RBPJ: variants seen among roughly 807,000 people sequenced by gnomAD.
RBPJ encodes the protein recombination signal binding protein for immunoglobulin kappa J region, also known as recombining binding protein suppressor of hairless.
RBPJ carries 9 observed loss-of-function variants against 67.8 expected under a neutral mutation model. The ratio of observed to expected loss-of-function variants is 0.13; its 90% CI spans 0.08 to 0.23. The LOEUF (loss-of-function observed/expected upper bound fraction) is 0.23, where lower values mean the gene tolerates loss of function less well. RBPJ is among the 10% of genes least tolerant of loss of function. RBPJ has a pLI of 1.00. For synonymous variants in RBPJ, 198 were observed against 203.3 expected, an observed-to-expected ratio of 0.97 and a Z score of 0.22; for missense variants, 305 against 595.6, an observed-to-expected ratio of 0.51 and a Z score of 5.08.
chr4:26,125,269 G>T, the RBPJ span, among the ~76,000 whole-genome samples: 3 of 152,186 alleles, frequency 2.0e-5, no homozygotes, highest in Non-Finnish European at 4.4e-5. Flanking sequence ...CCCTCATGGG[G>T]CACCCTGTGA....
intron 1 of RBPJ, among the ~76,000 whole-genome samples, chr4:26,195,019 C>T (rs964860712): frequency 2.0e-5 from 3 of 152,180 alleles, no homozygotes; most frequent in African/African-American, 7.2e-5. Context: ...CACCTCAAAT[C>T]TCTTGGGAAA....
At chr4:26,197,040 ACTCT>A (rs780693751) in intron 1 of RBPJ, among the ~76,000 whole-genome samples, 3 of 151,798 alleles carry the variant, frequency 2.0e-5, no homozygotes, top group Admixed American at 6.6e-5. Context: ...TCTCTCGCTC[ACTCT>A]CTCTCTTTTA....
chr4:26,324,339 C>T (rs1723395251), intron 1 of RBPJ, among the ~76,000 whole-genome samples: 1 of 151,986 alleles, frequency 6.6e-6, no homozygotes, highest in African/African-American at 2.4e-5. Context: ...TATTCCTGCC[C>T]CCCATAAACT....
chr4:26,328,953 T>C (rs939761364), intron 1 of RBPJ, among the ~76,000 whole-genome samples: 3 of 152,206 alleles, frequency 2.0e-5, no homozygotes, highest in African/African-American at 7.2e-5. Flanking sequence ...TATTTGAATA[T>C]TAATCAGGGA....
chr4:26,352,693 ACT>A (rs1426856377), intron 1 of RBPJ, among the ~76,000 whole-genome samples: 6 of 152,192 alleles, frequency 3.9e-5, no homozygotes, highest in African/African-American at 1.4e-4. Flanking sequence ...ACAGAGTGAA[ACT>A]CTGTCTCAAA....
intron 4 of RBPJ, 78 bp from the exon 5 acceptor site, chr4:26,420,473 C>A: frequency 1.1e-6 from 1 of 937,924 alleles, no homozygotes; most frequent in Non-Finnish European, 1.5e-6. Context: ...TTACTTAAAC[C>A]ATGGCCATTC....
chr4:26,319,139 G>A, upstream of RBPJ, among the ~76,000 whole-genome samples: 1 of 151,986 alleles, frequency 6.6e-6, no homozygotes, highest in Non-Finnish European at 1.5e-5. Flanking sequence ...GAGGCTGTCT[G>A]TCAGCTCCCG....
At chr4:26,195,259 A>G (rs1717712704) in intron 1 of RBPJ, among the ~76,000 whole-genome samples, 1 of 152,146 alleles carries the variant, frequency 6.6e-6, no homozygotes, top group African/African-American at 2.4e-5. Flanking sequence ...AGTCCTACCT[A>G]CTTGGGAGGC....
chr4:26,370,547 T>C (rs1729052196), intron 1 of RBPJ, among the ~76,000 whole-genome samples: 1 of 152,200 alleles, frequency 6.6e-6, no homozygotes, highest in Non-Finnish European at 1.5e-5. Context: ...GTAAGGTGTA[T>C]TGAGAGACTC....
chr4:26,333,059 G>C (rs1023349895), intron 1 of RBPJ, among the ~76,000 whole-genome samples: 23 of 152,298 alleles, frequency 1.5e-4, no homozygotes, highest in African/African-American at 5.3e-4. Flanking sequence ...ACACAGATTT[G>C]AACTGAGTGG....
chr4:26,358,639 TG>T (rs1271551070), intron 1 of RBPJ, among the ~76,000 whole-genome samples: 4 of 136,244 alleles, frequency 2.9e-5, no homozygotes, highest in Non-Finnish European at 6.3e-5. Flanking sequence ...AAAAAGTTAG[TG>T]GGGTACGTGG....
At chr4:26,418,753 C>G (rs955248232) in intron 4 of RBPJ, among the ~76,000 whole-genome samples, 1 of 152,122 alleles carries the variant, frequency 6.6e-6, no homozygotes, top group Non-Finnish European at 1.5e-5. Context: ...TTTTGCTTCC[C>G]ATGACTGTCT....
At chr4:26,265,910 G>T (rs1018327041) in intron 1 of RBPJ, among the ~76,000 whole-genome samples, 13 of 151,682 alleles carry the variant, frequency 8.6e-5, no homozygotes, top group Non-Finnish European at 1.6e-4. Context: ...GGTGGCACAT[G>T]CCTGTAGTCC....
intron 1 of RBPJ, among the ~76,000 whole-genome samples, chr4:26,311,079 A>G (rs1054161104): frequency 3.3e-5 from 5 of 152,210 alleles, no homozygotes; most frequent in African/African-American, 1.2e-4. Flanking sequence ...TATTACTATA[A>G]CAATTGTGTT....
At chr4:26,350,395 T>G (rs907049338) in intron 1 of RBPJ, among the ~76,000 whole-genome samples, 1 of 151,048 alleles carries the variant, frequency 6.6e-6, no homozygotes, top group Non-Finnish European at 1.5e-5. Flanking sequence ...CAAGTCATAT[T>G]TCAGTCTTTC....
intron 1 of RBPJ, among the ~76,000 whole-genome samples, chr4:26,350,328 T>C (rs1726667043): frequency 6.6e-6 from 1 of 152,182 alleles, no homozygotes; most frequent in Admixed American, 6.5e-5. Flanking sequence ...GTGTGCTTAT[T>C]TATACAGTAA....
intron 1 of RBPJ, among the ~76,000 whole-genome samples, chr4:26,191,368 C>T (rs1489937097): frequency 6.6e-6 from 1 of 150,906 alleles, no homozygotes; most frequent in African/African-American, 2.4e-5. Flanking sequence ...AGAACAACTG[C>T]AGCTCCACAG....
At chr4:26,122,544 A>G in the RBPJ span, among the ~76,000 whole-genome samples, 1 of 152,234 alleles carries the variant, frequency 6.6e-6, no homozygotes, top group African/African-American at 2.4e-5. Flanking sequence ...AAGTAATGAG[A>G]ACTGGTTAGG....
At chr4:26,213,556 A>C (rs752240659) in intron 1 of RBPJ, among the ~76,000 whole-genome samples, 24 of 152,152 alleles carry the variant, frequency 1.6e-4, no homozygotes, top group Non-Finnish European at 2.9e-4. Context: ...GAGGCTGCAC[A>C]CAGGAGTCAT....
Sources: allele counts gnomAD v4.1 joint callset (sites outside exome capture counted in the v4.1 genomes callset), GRCh38; gene constraint gnomAD v4.1.1; transcripts MANE v1.5; gene names NCBI Gene and HGNC (gene_info 2026-07-23, HGNC 2026-07-21).